GYG1: variants seen among roughly 807,000 people sequenced by gnomAD.
GYG1 encodes the protein glycogenin-1.
GYG1 carries 44 observed loss-of-function variants against 41.9 expected under a neutral mutation model. The observed-to-expected ratio is 1.05, with a 90% CI of 0.83 to 1.35. GYG1 has a LOEUF of 1.35. Ranked by LOEUF, GYG1 falls within the 40% of genes most tolerant of loss-of-function variation. The pLI is 0.00. For synonymous variants in GYG1, 141 were observed against 158.1 expected, an observed-to-expected ratio of 0.89 and a Z score of 0.81; for missense variants, 429 against 418.9, an observed-to-expected ratio of 1.02 and a Z score of -0.21.
intron 5 of GYG1, among the ~76,000 whole-genome samples, chr3:149,013,245 T>C (rs2107907930): frequency 6.6e-6 from 1 of 152,158 alleles, no homozygotes; most frequent in East Asian, 1.9e-4. Context: ...TAAATACGTT[T>C]TTTTAAGTTT....
intron 6 of GYG1, among the ~76,000 whole-genome samples, chr3:149,025,800 A>C (rs1013691368): frequency 6.6e-6 from 1 of 152,122 alleles, no homozygotes; most frequent in Non-Finnish European, 1.5e-5. Flanking sequence ...TTAAGAAAGT[A>C]CCTTTTATGG....
At position 149,028,650 on chromosome 3, in the gene GYG1, T is replaced by C. The variant is rs1017038656; in HGVS notation, c.*1717T>C. Reference sequence around the variant, plus strand: ...CTATTTACTACCGTTCATTCTCTATTTTTTACACAGTAGCATAACAAAGCT... The same window carrying C: ...CTATTTACTACCGTTCATTCTCTATCTTTTACACAGTAGCATAACAAAGCT... On this transcript the variant is annotated 3_prime_UTR_variant, in exon 8 of 8. Coordinates refer to ENST00000345003, the MANE Select transcript of GYG1 (RefSeq NM_004130.4). Among the ~76,000 whole-genome samples the C allele has an allele frequency of 1.3e-5, 2 of 152,174 alleles. No individual in the cohort carries two copies. The highest frequency in any genetic ancestry group is 4.8e-5 in the African/African-American group (2 of 41,438).
At chr3:149,022,748 C>T (rs1714441803) in intron 5 of GYG1, among the ~76,000 whole-genome samples, 1 of 151,906 alleles carries the variant, frequency 6.6e-6, no homozygotes, top group Admixed American at 6.6e-5. Flanking sequence ...CCTGCCTCAG[C>T]CTCGCAAAGT....
At chr3:148,997,233 T>G (rs942054269) in intron 4 of GYG1, among the ~76,000 whole-genome samples, 35 of 152,190 alleles carry the variant, frequency 2.3e-4, no homozygotes, top group Non-Finnish European at 1.3e-4. Context: ...AACTTTAACA[T>G]CTGTCTTTAA....
chr3:149,015,072 A>C (rs1713944127), intron 5 of GYG1, among the ~76,000 whole-genome samples: 1 of 152,204 alleles, frequency 6.6e-6, no homozygotes, highest in Non-Finnish European at 1.5e-5. Flanking sequence ...AGGATATGTC[A>C]AATGTGACTG....
intron 3 of GYG1, 124 bp from the exon 4 acceptor site, chr3:148,996,618 G>A: frequency 2.5e-6 from 3 of 1,197,974 alleles, no homozygotes; most frequent in Middle Eastern, 1.9e-4. Context: ...GGGGATGAAG[G>A]AGAGGAGGCC....
intron 6 of GYG1, among the ~76,000 whole-genome samples, chr3:149,026,130 A>G (rs1369705523): frequency 6.6e-6 from 1 of 152,252 alleles, no homozygotes; most frequent in African/African-American, 2.4e-5. Flanking sequence ...AGGAAAGGTG[A>G]AGATGGGAAT....
At chr3:149,009,198 G>A in intron 4 of GYG1, 78 bp from the exon 5 acceptor site, 3 of 1,068,514 alleles carry the variant, frequency 2.8e-6, no homozygotes, top group Non-Finnish European at 2.8e-6. Context: ...TATTTTTAAA[G>A]GTCCAGTTAT....
intron 6 of GYG1, among the ~76,000 whole-genome samples, chr3:149,026,077 A>C (rs184527749): frequency 1.4e-4 from 21 of 152,356 alleles, no homozygotes; most frequent in Non-Finnish European, 5.9e-5. Context: ...ACTGTATTTA[A>C]ATACATACCT....
chr3:149,030,524 G>C lies in GYG1; in HGVS notation c.*3591G>C, dbSNP rs969035867. ...AGTTTGTAAGGCTTTGTCTTTGTAAGCAGAAAGAGTAGACTGTGTTGTTTT... is the reference window on the plus strand; with the variant it reads ...AGTTTGTAAGGCTTTGTCTTTGTAACCAGAAAGAGTAGACTGTGTTGTTTT... On this transcript the variant is annotated 3_prime_UTR_variant, in exon 8 of 8. Transcript: ENST00000345003. 2.6e-5 allele frequency: 4 copies of C among 152,136 alleles called. No individual in the cohort carries two copies. The highest frequency in any genetic ancestry group is 9.7e-5 in the African/African-American group (4 of 41,432). 9.4% of individuals were successfully genotyped at this position (152,136 alleles called of 1,614,324 possible).
rs964693180 is a variant in GYG1 at position 148,991,545 on chromosome 3, G to A, written c.-96G>A. 41 of 1,486,412 alleles carry A rather than the reference G, an allele frequency of 2.8e-5. No homozygotes were observed. The Middle Eastern group carries it at 6.4e-4, about 23-fold the overall frequency. 92.1% of individuals were successfully genotyped at this position (1,486,412 alleles called of 1,614,324 possible). A position where few individuals can be genotyped will look rare whatever the true frequency, so the allele number is the denominator to read the frequency against. ...GCACGGGGCAGACGCTCGGTTCCCC[G>A]CCGTGCCTCCTCGCTGGCCGCGCTC... On this transcript the variant is annotated 5_prime_UTR_variant, in exon 1 of 8. Coordinates refer to ENST00000345003, the MANE Select transcript of GYG1 (RefSeq NM_004130.4).
chr3:149,028,074 A>AG lies in GYG1; in HGVS notation c.*1142dup, dbSNP rs761783962. Among the ~76,000 whole-genome samples, 1 of 152,218 alleles carries AG rather than the reference A, an allele frequency of 6.6e-6. No homozygotes were observed. The highest frequency in any genetic ancestry group is 1.5e-5 in the Non-Finnish European group (1 of 68,044). On this transcript the variant is annotated 3_prime_UTR_variant, in exon 8 of 8. Coordinates refer to ENST00000345003, the MANE Select transcript of GYG1 (RefSeq NM_004130.4). ...GCAAGCTAAAGAAGGGTAGGATCCA[A>AG]GATGACCTTTTAAAACTAAAATGAG...
At chr3:149,002,503 G>T (rs1713148558) in intron 4 of GYG1, among the ~76,000 whole-genome samples, 1 of 152,272 alleles carries the variant, frequency 6.6e-6, no homozygotes, top group Non-Finnish European at 1.5e-5. Context: ...AGTTATTCTT[G>T]GCTTAAATGG....
chr3:149,029,277 A>G lies in GYG1; in HGVS notation c.*2344A>G, dbSNP rs1263039917. Among the ~76,000 whole-genome samples, 1 of 152,204 alleles carries G rather than the reference A, an allele frequency of 6.6e-6. No individual in the cohort carries two copies. Among genetic ancestry groups the G allele is most frequent in the Non-Finnish European group, 1.5e-5 (1 of 68,020 alleles). On this transcript the variant is annotated 3_prime_UTR_variant, in exon 8 of 8. Transcript: ENST00000345003. ...TAAGGGTTACTTAGTAAAATGTATA[A>G]AAAGGCAACAGTAATTCAAATTACA...
In GYG1 at chr3:149,031,158, TAAAA is replaced by T. The variant is rs574784654; in HGVS notation, c.*4232_*4235del. The T allele has an allele frequency of 5.5e-5, 8 of 145,120 alleles. No homozygotes were observed. The highest frequency in any genetic ancestry group is 1.8e-4 in the African/African-American group (7 of 39,410). 9.0% of individuals were successfully genotyped at this position (145,120 alleles called of 1,614,324 possible). A position where few individuals can be genotyped will look rare whatever the true frequency, so the allele number is the denominator to read the frequency against. Reference sequence around the variant, plus strand: ...ATAAGTTTGCTTATTAACAAAAAAGTAAAAAAAAAAGAAAAGAAAAAAGATGACT... The same window carrying T: ...ATAAGTTTGCTTATTAACAAAAAAGTAAAAAAGAAAAGAAAAAAGATGACT... On this transcript the variant is annotated 3_prime_UTR_variant, in exon 8 of 8. Coordinates refer to ENST00000345003, the MANE Select transcript of GYG1 (RefSeq NM_004130.4).
intron 1 of GYG1, 86 bp downstream of exon 1, chr3:148,991,733 C>T (rs1046923393): frequency 1.8e-6 from 2 of 1,111,168 alleles, no homozygotes; most frequent in East Asian, 2.7e-5. Flanking sequence ...GCCCTCAGCC[C>T]CGGAGTGTTC....
rs557522544 is a variant in GYG1, at chr3:149,028,627, A to G, written c.*1694A>G. 4.6e-5 allele frequency among the ~76,000 whole-genome samples: 7 copies of G among 150,872 alleles called. No individual in the cohort carries two copies. Among genetic ancestry groups the G allele is most frequent in the South Asian group, 2.1e-4 (1 of 4,774 alleles). ...GTTGCATTCAACGTTAATTTTTTCT[A>G]TTTACTACCGTTCATTCTCTATTTT... On this transcript the variant is annotated 3_prime_UTR_variant, in exon 8 of 8. Coordinates refer to ENST00000345003, the MANE Select transcript of GYG1 (RefSeq NM_004130.4).
At position 149,027,112 on chromosome 3, in the gene GYG1, A is replaced by C. The variant is rs1046814867; in HGVS notation, c.*179A>C. ...ACTGGGCAAAAGTTGTGAAGCAGCA[A>C]TTCTGTTATATGGACAGTGTTCTGC... On this transcript the variant is annotated 3_prime_UTR_variant, in exon 8 of 8. Transcript: ENST00000345003. 3.2e-6 allele frequency: 2 copies of C among 625,574 alleles called. No homozygotes were observed. Among genetic ancestry groups the C allele is most frequent in the Non-Finnish European group, 2.8e-6 (1 of 352,516 alleles). The allele number at this position is 625,574 out of a possible 1,614,324, so 38.8% of individuals were successfully genotyped here. A position where few individuals can be genotyped will look rare whatever the true frequency, so the allele number is the denominator to read the frequency against.
At chr3:148,996,024 A>G (rs746573839) in intron 2 of GYG1, among the ~76,000 whole-genome samples, 1 of 152,210 alleles carries the variant, frequency 6.6e-6, no homozygotes, top group Non-Finnish European at 1.5e-5. Context: ...ATAAAATACA[A>G]AAACCCAGAA....
Sources: allele counts gnomAD v4.1 joint callset (sites outside exome capture counted in the v4.1 genomes callset), GRCh38; gene constraint gnomAD v4.1.1; transcripts MANE v1.5; gene names NCBI Gene and HGNC (gene_info 2026-07-23, HGNC 2026-07-21).